The following RXFP1 variants were observed in gnomAD, a reference collection of about 807,000 sequenced individuals.
RXFP1 encodes relaxin family peptide receptor 1.
Under a neutral mutation model 89.8 loss-of-function variants are expected in RXFP1, and 73 were observed. The observed-to-expected ratio is 0.81, with a 90% CI of 0.67 to 0.99. The LOEUF is 0.99. Ranked by LOEUF, RXFP1 falls within the 50% of genes least tolerant of loss-of-function variation. RXFP1 has a pLI of 0.00. For missense variants in RXFP1, 793 were observed against 895.5 expected, an observed-to-expected ratio of 0.89 and a Z score of 1.46; for synonymous variants, 277 against 305.5, an observed-to-expected ratio of 0.91 and a Z score of 0.97.
chr4:158,587,858 A>G (rs1758596993), intron 2 of RXFP1, among the ~76,000 whole-genome samples: 1 of 152,164 alleles, frequency 6.6e-6, no homozygotes, highest in African/African-American at 2.4e-5. Flanking sequence ...GCACAACATG[A>G]TGGGTACTTG....
chr4:158,521,781 A>T (rs927203213), upstream of RXFP1: 1 of 540,072 alleles, frequency 1.9e-6, no homozygotes, highest in African/African-American at 2.0e-5. Context: ...GATCCTGAGA[A>T]TAGAAAGGAG....
chr4:158,545,579 T>C (rs1435802748), intron 1 of RXFP1, among the ~76,000 whole-genome samples: 5 of 152,234 alleles, frequency 3.3e-5, no homozygotes, highest in African/African-American at 1.2e-4. Context: ...TTTTATGGTT[T>C]TAGGTCTAAC....
chr4:158,572,997 C>A, intron 2 of RXFP1, 162 bp downstream of exon 2: 2 of 1,097,452 alleles, frequency 1.8e-6, no homozygotes, highest in Non-Finnish European at 2.5e-6. Flanking sequence ...AAAATATCCA[C>A]TCTTTTCTTT....
chr4:158,544,032 G>A (rs530727068), intron 1 of RXFP1: 1 of 985,334 alleles, frequency 1.0e-6, no homozygotes, highest in African/African-American at 1.7e-5. Context: ...ATTCCCATGA[G>A]ATCGGATCAA....
chr4:158,575,945 G>A (rs1561048301), intron 2 of RXFP1, among the ~76,000 whole-genome samples: 2 of 152,158 alleles, frequency 1.3e-5, no homozygotes, highest in Non-Finnish European at 2.9e-5. Context: ...AGATCAGCTA[G>A]GCAGTTCTGG....
At chr4:158,584,199 C>G (rs981265187) in intron 2 of RXFP1, among the ~76,000 whole-genome samples, 2 of 152,106 alleles carry the variant, frequency 1.3e-5, no homozygotes, top group African/African-American at 4.8e-5. Flanking sequence ...CTTTGGGAGG[C>G]CGAGGTGGGT....
intron 17 of RXFP1, among the ~76,000 whole-genome samples, chr4:158,651,035 G>A (rs977389181): frequency 6.6e-6 from 1 of 152,112 alleles, no homozygotes; most frequent in Non-Finnish European, 1.5e-5. Flanking sequence ...GAGGTACAAG[G>A]ATCGCTTGGG....
rs868063018 is a variant in RXFP1, at chr4:158,558,499, T to A, written c.50-14199T>A. On this transcript the variant is annotated intron_variant, in intron 1 of 17. Coordinates refer to ENST00000307765, the MANE Select transcript of RXFP1 (RefSeq NM_021634.4). ...TATTCAATATTTTAATATAAATATA[T>A]GTTTGGGAAAACCATTCCTCATTCT... is the stretch of plus-strand genomic sequence containing the variant. Among the ~76,000 whole-genome samples, 18 of 152,358 alleles carry A rather than the reference T, an allele frequency of 1.2e-4. 1 individual carries two copies. The Middle Eastern group carries it at 0.01, about 86-fold the overall frequency.
intron 1 of RXFP1, chr4:158,543,744 A>G (rs918470856): frequency 1.4e-5 from 14 of 983,594 alleles, no homozygotes; most frequent in Admixed American, 6.2e-5. Context: ...ATGAACTTTC[A>G]AACTTTTTTA....
Position 158,599,436 on chromosome 4 carries a change from G to A in RXFP1, c.392+5G>A. ...TTCTTCAAATGTGACTGCAATGTAA[G>A]TAGAAAAGAATTACTTCATCCTGAC... On this transcript the variant is annotated splice_donor_5th_base_variant and intron_variant, in intron 4 of 17. Coordinates refer to ENST00000307765, the MANE Select transcript of RXFP1 (RefSeq NM_021634.4). 6.2e-7 allele frequency: 1 copy of A among 1,610,732 alleles called. No individual in the cohort carries two copies. Among genetic ancestry groups the A allele is most frequent in the Non-Finnish European group, 8.5e-7 (1 of 1,177,768 alleles).
chr4:158,544,096 C>T (rs1361103999), intron 1 of RXFP1: 6 of 979,710 alleles, frequency 6.1e-6, no homozygotes, highest in Non-Finnish European at 7.3e-6. Flanking sequence ...ACAAGAGAAC[C>T]ATCTTTTTAT....
intron 1 of RXFP1, among the ~76,000 whole-genome samples, chr4:158,569,715 A>G (rs1351270914): frequency 6.6e-6 from 1 of 152,174 alleles, no homozygotes; most frequent in Non-Finnish European, 1.5e-5. Context: ...GTCTCCTCTA[A>G]TTTTACTATT....
chr4:158,594,466 A>G (rs192335927), intron 3 of RXFP1, among the ~76,000 whole-genome samples: 2 of 151,082 alleles, frequency 1.3e-5, no homozygotes, highest in East Asian at 1.9e-4. Flanking sequence ...CCTAAGCACT[A>G]TGACAATGAC....
chr4:158,647,881 T>C (rs1467888337), intron 16 of RXFP1, among the ~76,000 whole-genome samples: 10 of 152,086 alleles, frequency 6.6e-5, no homozygotes, highest in Non-Finnish European at 1.3e-4. Flanking sequence ...CCGGGCATGG[T>C]GGCACGCACC....
At chr4:158,642,092 ACTT>A (rs1236887796) in intron 14 of RXFP1, among the ~76,000 whole-genome samples, 1 of 151,284 alleles carries the variant, frequency 6.6e-6, no homozygotes, top group Admixed American at 6.5e-5. Context: ...AGATAATATA[ACTT>A]CTTTTTTTTT....
intron 1 of RXFP1, among the ~76,000 whole-genome samples, chr4:158,547,539 G>A (rs549727417): frequency 4.6e-4 from 70 of 152,004 alleles, no homozygotes; most frequent in African/African-American, 1.1e-3. Context: ...TAATTGTGAC[G>A]TTAGGGTGTC....
intron 1 of RXFP1, among the ~76,000 whole-genome samples, chr4:158,523,963 G>T (rs1741819619): frequency 1.3e-5 from 2 of 152,146 alleles, no homozygotes; most frequent in African/African-American, 4.8e-5. Context: ...TGATATCATG[G>T]AAGACACCTA....
intron 2 of RXFP1, among the ~76,000 whole-genome samples, chr4:158,592,938 AT>A (rs1759799173): frequency 6.8e-6 from 1 of 147,906 alleles, no homozygotes; most frequent in African/African-American, 2.6e-5. Context: ...AAAAAAAAAA[AT>A]TAACCAGATG....
rs1212645674 is a variant in RXFP1 at position 158,587,236 on chromosome 4, T to C, written c.188-6165T>C. Among the ~76,000 whole-genome samples, 6 of 152,238 alleles carry C rather than the reference T, an allele frequency of 3.9e-5. No homozygotes were observed. In the East Asian group the frequency reaches 1.2e-3, roughly 29 times the overall value. On this transcript the variant is annotated intron_variant, in intron 2 of 17. Coordinates refer to ENST00000307765, the MANE Select transcript of RXFP1 (RefSeq NM_021634.4). ...CCATTTCTCACTCACCTTCTGCAGATATGCATGAAGACTGTTTATATGAAT... is the reference window on the plus strand; with the variant it reads ...CCATTTCTCACTCACCTTCTGCAGACATGCATGAAGACTGTTTATATGAAT...
Sources: gnomAD v4.1 joint callset for allele counts (sites outside exome capture counted in the v4.1 genomes callset) on GRCh38, gnomAD v4.1.1 for gene constraint, MANE v1.5 for transcripts, NCBI Gene and HGNC (gene_info 2026-07-23, HGNC 2026-07-21) for gene names.